The following EXOC6B variants were observed in gnomAD, a reference collection of about 807,000 sequenced individuals.
The protein encoded by EXOC6B is SEC15 homolog B.
A neutral mutation model predicts 113.5 loss-of-function variants in EXOC6B; 54 were observed. That is an observed-to-expected ratio of 0.48 (90% CI 0.38 to 0.60). The LOEUF is 0.60. Ranked by LOEUF, EXOC6B falls within the 20% of genes least tolerant of loss-of-function variation. The probability of loss-of-function intolerance (pLI) is 0.00; values close to 1 mark genes in which losing one functional copy is unlikely to be tolerated. For missense variants in EXOC6B, 797 were observed against 977.5 expected (o/e 0.82, Z 2.46); for synonymous variants, 357 against 339.0 (o/e 1.05, Z -0.58).
In EXOC6B at chr2:72,730,991, T is replaced by A; in HGVS notation, c.464+16A>T. The A allele has an allele frequency of 6.7e-7, 1 of 1,501,040 alleles. No individual in the cohort carries two copies. The highest frequency in any genetic ancestry group is 8.9e-7 in the Non-Finnish European group (1 of 1,121,180). The allele number at this position is 1,501,040 out of a possible 1,614,324, so 93.0% of individuals were successfully genotyped here. A position where few individuals can be genotyped will look rare whatever the true frequency, so the allele number is the denominator to read the frequency against. On this transcript the variant is annotated intron_variant, in intron 5 of 21. Transcript: ENST00000272427. ...TTTTAGATAGTAAAAACTGTTCGAT[T>A]AAAAAAAAATCTTACCTTTTAGTTT...
At chr2:72,534,627 C>T (rs1200380381) in intron 8 of EXOC6B, among the ~76,000 whole-genome samples, 7 of 152,020 alleles carry the variant, frequency 4.6e-5, no homozygotes, top group African/African-American at 7.2e-5. Flanking sequence ...ATTAAAGATT[C>T]GTCATACCTA....
chr2:72,300,686 T>C (rs1686455344), intron 20 of EXOC6B, among the ~76,000 whole-genome samples: 3 of 152,222 alleles, frequency 2.0e-5, no homozygotes, highest in African/African-American at 7.2e-5. Context: ...GTCTGCCAGT[T>C]GTGAAGACCA....
At chr2:72,715,423 T>C (rs1679550053) in intron 6 of EXOC6B, among the ~76,000 whole-genome samples, 1 of 148,292 alleles carries the variant, frequency 6.7e-6, no homozygotes, top group East Asian at 1.9e-4. Context: ...AGTATACATT[T>C]AAAATATATA....
chr2:72,514,624 A>C lies in EXOC6B; in HGVS notation c.1046+10T>G, dbSNP rs1437103680. 1 of 622,712 alleles carries C rather than the reference A, an allele frequency of 1.6e-6. No homozygotes were observed. The highest frequency in any genetic ancestry group is 2.0e-5 in the South Asian group (1 of 49,524). The allele number at this position is 622,712 out of a possible 1,614,324, so 38.6% of individuals were successfully genotyped here. ...TAAATAAATATATATATATATATAT[A>C]TATACCTACCCTACAATTTGATTAA... On this transcript the variant is annotated intron_variant, in intron 10 of 21. Coordinates refer to ENST00000272427, the MANE Select transcript of EXOC6B (RefSeq NM_015189.3).
intron 1 of EXOC6B, among the ~76,000 whole-genome samples, chr2:72,772,180 A>T (rs1683439961): frequency 6.6e-6 from 1 of 152,192 alleles, no homozygotes; most frequent in Non-Finnish European, 1.5e-5. Flanking sequence ...CGAGAATGAT[A>T]TGAGCACCCT....
intron 11 of EXOC6B, among the ~76,000 whole-genome samples, chr2:72,508,131 GGAA>G (rs1180385086): frequency 9.7e-6 from 1 of 103,272 alleles, no homozygotes; most frequent in Admixed American, 9.0e-5. Context: ...ATATGATGGG[GGAA>G]AAAAAAACCT....
At chr2:72,643,529 C>T (rs1311727393) in intron 6 of EXOC6B, among the ~76,000 whole-genome samples, 3 of 146,250 alleles carry the variant, frequency 2.1e-5, no homozygotes, top group Non-Finnish European at 4.5e-5. Flanking sequence ...AACCAAACAC[C>T]GCATATTCTC....
At chr2:72,669,527 T>C (rs1043794828) in intron 6 of EXOC6B, among the ~76,000 whole-genome samples, 1 of 152,148 alleles carries the variant, frequency 6.6e-6, no homozygotes, top group Non-Finnish European at 1.5e-5. Context: ...ACTACTTAAA[T>C]GTACATCTAT....
intron 7 of EXOC6B, among the ~76,000 whole-genome samples, chr2:72,567,441 C>A (rs1164414283): frequency 6.6e-6 from 1 of 151,894 alleles, no homozygotes; most frequent in Non-Finnish European, 1.5e-5. Context: ...AATACAAATA[C>A]AGAATGACAG....
chr2:72,266,878 C>T (rs1684134246), intron 20 of EXOC6B, among the ~76,000 whole-genome samples: 2 of 152,158 alleles, frequency 1.3e-5, no homozygotes, highest in African/African-American at 4.8e-5. Context: ...TTCATTCTTC[C>T]TACCCATGAG....
intron 19 of EXOC6B, among the ~76,000 whole-genome samples, chr2:72,350,934 C>A (rs1348285758): frequency 6.6e-6 from 1 of 152,146 alleles, no homozygotes; most frequent in Non-Finnish European, 1.5e-5. Context: ...TTAAAATGTT[C>A]CTTGTTGAAA....
intron 18 of EXOC6B, chr2:72,463,596 A>G (rs1389878511): frequency 6.6e-6 from 1 of 152,178 alleles, no homozygotes; most frequent in Non-Finnish European, 1.5e-5. Flanking sequence ...AGAGTGCCAC[A>G]GTTAGAGGTT....
At chr2:72,387,649 T>G (rs1692120482) in intron 18 of EXOC6B, among the ~76,000 whole-genome samples, 1 of 152,126 alleles carries the variant, frequency 6.6e-6, no homozygotes, top group African/African-American at 2.4e-5. Flanking sequence ...TTGTTCATAT[T>G]TTACTTGACT....
intron 6 of EXOC6B, among the ~76,000 whole-genome samples, chr2:72,641,400 A>G (rs1673221154): frequency 6.6e-6 from 1 of 152,270 alleles, no homozygotes; most frequent in Non-Finnish European, 1.5e-5. Context: ...ACGGCACACC[A>G]GGAGATTTTA....
chr2:72,731,131 C>T, intron 4 of EXOC6B, 24 bp downstream of exon 4: 2 of 1,600,232 alleles, frequency 1.2e-6, no homozygotes, highest in Non-Finnish European at 8.5e-7. Context: ...CACCAAGAAT[C>T]CTTCTCCATT....
intron 11 of EXOC6B, among the ~76,000 whole-genome samples, chr2:72,509,301 C>T (rs1558745155): frequency 6.6e-6 from 1 of 152,140 alleles, no homozygotes; most frequent in Non-Finnish European, 1.5e-5. Flanking sequence ...AAATAAATTT[C>T]TGTCATTTAA....
intron 18 of EXOC6B, among the ~76,000 whole-genome samples, chr2:72,401,494 CATATATATATATATATATATACATATAT>C (rs1693157864): frequency 5.0e-5 from 3 of 59,644 alleles, no homozygotes; most frequent in Non-Finnish European, 8.7e-5. Flanking sequence ...ATTTTATATA[CATATATATATATATATATATACATATAT>C]ACATATATAT....
chr2:72,689,585 G>T (rs76490414), intron 6 of EXOC6B, among the ~76,000 whole-genome samples: 6 of 152,162 alleles, frequency 3.9e-5, no homozygotes, highest in African/African-American at 1.4e-4. Flanking sequence ...GTGAAGACTA[G>T]GTCTGAATGG....
At chr2:72,396,869 A>C (rs1179169530) in intron 18 of EXOC6B, among the ~76,000 whole-genome samples, 1 of 152,296 alleles carries the variant, frequency 6.6e-6, no homozygotes, top group Admixed American at 6.5e-5. Context: ...AATCTTTGTA[A>C]TAACAGGTGA....
Sources: gnomAD v4.1 joint callset for allele counts (sites outside exome capture counted in the v4.1 genomes callset) on GRCh38, gnomAD v4.1.1 for gene constraint, MANE v1.5 for transcripts, NCBI Gene and HGNC (gene_info 2026-07-23, HGNC 2026-07-21) for gene names.